The following ANKRD66 variants were observed in gnomAD, a reference collection of about 807,000 sequenced individuals.
ANKRD66 encodes ankyrin repeat domain-containing protein 66.
A neutral mutation model predicts 10.9 loss-of-function variants in ANKRD66; 10 were observed. That is an observed-to-expected ratio of 0.91 (90% CI 0.56 to 1.55). ANKRD66 has a LOEUF of 1.55. ANKRD66 is among the 40% of genes most tolerant of loss of function. The probability of loss-of-function intolerance (pLI) is 0.00; values close to 1 mark genes in which losing one functional copy is unlikely to be tolerated. For missense variants in ANKRD66, 252 were observed against 242.9 expected (o/e 1.04, Z -0.25); for synonymous variants, 85 against 88.4 (o/e 0.96, Z 0.22).
chr6:46,756,626 C>T (rs1156654317), intron 4 of ANKRD66: 1 of 152,250 alleles, frequency 6.6e-6, no homozygotes, highest in African/African-American at 2.4e-5. Context: ...CACTTCTTCA[C>T]CTCTCACCCA....
At chr6:46,752,517 G>A (rs1766294444) in intron 3 of ANKRD66, among the ~76,000 whole-genome samples, 2 of 152,202 alleles carry the variant, frequency 1.3e-5, no homozygotes, top group African/African-American at 4.8e-5. Context: ...TTACAGGCGT[G>A]AGCCACCACG....
chr6:46,753,904 A>C lies in ANKRD66; in HGVS notation c.346A>C (p.Ile116Leu). 6.4e-7 allele frequency: 1 copy of C among 1,551,658 alleles called. No individual in the cohort carries two copies. Residue 116 changes from isoleucine (I) to leucine (L), a missense_variant, in exon 4 of 5, where the codon ATT becomes CTT. Coordinates refer to ENST00000565422, the MANE Select transcript of ANKRD66 (RefSeq NM_001162435.3). ...PDFFGDTPKR[I>L]AQIYGQKACV... ...CTTCTTTGGAGACACACCGAAGAGG[A>C]TTGCACAGATCTATGGACAGAAAGC...
chr6:46,753,774 G>T lies in ANKRD66; in HGVS notation c.216G>T (p.Leu72=), dbSNP rs1373546643. The change falls in exon 4 of 5, where the codon CTG becomes CTT. Residue 72 remains leucine (L), a synonymous_variant. Coordinates refer to ENST00000565422, the MANE Select transcript of ANKRD66 (RefSeq NM_001162435.3). ...TAGAATATGGAGCCAGGCCCTGCCTGGTTACTAGTGTGGGCTGGACCCCAG... is the reference window on the plus strand; with the variant it reads ...TAGAATATGGAGCCAGGCCCTGCCTTGTTACTAGTGTGGGCTGGACCCCAG... ...LLIEYGARPC[L]VTSVGWTPAH... 3 of 1,551,636 alleles carry T rather than the reference G, an allele frequency of 1.9e-6. No individual in the cohort carries two copies. The highest frequency in any genetic ancestry group is 1.2e-5 in the South Asian group (1 of 84,052).
intron 4 of ANKRD66, among the ~76,000 whole-genome samples, chr6:46,754,481 T>A (rs757059979): frequency 2.0e-5 from 3 of 152,218 alleles, no homozygotes; most frequent in Non-Finnish European, 4.4e-5. Context: ...CATTCAAACA[T>A]AATTAAGCAC....
Position 46,759,262 on chromosome 6 carries a change from A to G in ANKRD66, c.*341A>G. 1 of 176,950 alleles carries G rather than the reference A, an allele frequency of 5.7e-6. No individual in the cohort carries two copies. Among genetic ancestry groups the G allele is most frequent in the Non-Finnish European group, 1.2e-5 (1 of 84,898 alleles). The allele number at this position is 176,950 out of a possible 1,614,324, so 11.0% of individuals were successfully genotyped here. Reference sequence around the variant, plus strand: ...TCATCCCTGATAACGATCGAGAGATAATGTAAAATAATGAACATGTGATTA... The same window carrying G: ...TCATCCCTGATAACGATCGAGAGATGATGTAAAATAATGAACATGTGATTA... On this transcript the variant is annotated 3_prime_UTR_variant, in exon 5 of 5. Coordinates refer to ENST00000565422, the MANE Select transcript of ANKRD66 (RefSeq NM_001162435.3).
intron 3 of ANKRD66, among the ~76,000 whole-genome samples, 171 bp downstream of exon 3, chr6:46,752,282 T>A (rs750813028): frequency 2.6e-5 from 4 of 152,224 alleles, no homozygotes; most frequent in African/African-American, 7.2e-5. Flanking sequence ...TCATCCAGGC[T>A]GGAGTGCAGT....
intron 2 of ANKRD66, among the ~76,000 whole-genome samples, chr6:46,751,303 G>A (rs575549740): frequency 1.3e-5 from 2 of 152,290 alleles, no homozygotes; most frequent in South Asian, 4.2e-4. Flanking sequence ...TGACTTCACA[G>A]ATCCCCTGAA....
intron 1 of ANKRD66, among the ~76,000 whole-genome samples, chr6:46,748,058 G>A (rs1049995804): frequency 2.0e-5 from 3 of 152,146 alleles, no homozygotes; most frequent in Non-Finnish European, 4.4e-5. Context: ...GGAAAACACA[G>A]GAATACATCT....
chr6:46,758,673 G>C, intron 4 of ANKRD66, 50 bp from the exon 5 acceptor site: 1 of 1,484,126 alleles, frequency 6.7e-7, no homozygotes, highest in Non-Finnish European at 9.0e-7. Context: ...TTCCCAGGCT[G>C]GAACAGGTCC....
At chr6:46,749,753 C>T (rs1234482242) in intron 1 of ANKRD66, 143 bp from the exon 2 acceptor site, 28 of 861,818 alleles carry the variant, frequency 3.2e-5, no homozygotes, top group Non-Finnish European at 4.5e-5. Flanking sequence ...GTCTCTGACC[C>T]ATCGCATCAG....
At chr6:46,751,821 C>T (rs1766274992) in intron 2 of ANKRD66, 116 bp from the exon 3 acceptor site, 1 of 1,120,930 alleles carries the variant, frequency 8.9e-7, no homozygotes, top group Admixed American at 4.0e-5. Context: ...ATGAGGCAAA[C>T]TGAGAGGCAA....
intron 1 of ANKRD66, 48 bp downstream of exon 1, chr6:46,747,038 A>T (rs1158869731): frequency 4.0e-6 from 6 of 1,516,100 alleles, no homozygotes; most frequent in Admixed American, 3.9e-5. Flanking sequence ...GTTATTAAAA[A>T]TCACTCACAT....
At chr6:46,748,001 C>G (rs949520889) in intron 1 of ANKRD66, among the ~76,000 whole-genome samples, 1 of 152,138 alleles carries the variant, frequency 6.6e-6, no homozygotes, top group Admixed American at 6.5e-5. Flanking sequence ...TAACTCAAAA[C>G]GGATCACAGA....
At chr6:46,755,987 A>G (rs1766375642) in intron 4 of ANKRD66, 2 of 378,418 alleles carry the variant, frequency 5.3e-6, no homozygotes, top group Non-Finnish European at 1.0e-5. Context: ...GCACATTTAC[A>G]TTGTTGTGAA....
At position 46,753,756 on chromosome 6, in the gene ANKRD66, T is replaced by C; in HGVS notation, c.198T>C (p.Tyr66=). 2 of 1,551,308 alleles carry C rather than the reference T, an allele frequency of 1.3e-6. No homozygotes were observed. Among genetic ancestry groups the C allele is most frequent in the Non-Finnish European group, 8.7e-7 (1 of 1,146,822 alleles). ...QMEVIRLLIE[Y]GARPCLVTSV... is the part of the protein sequence containing the mutation. ...AGGTGATACGGCTCCTGATAGAATA[T>C]GGAGCCAGGCCCTGCCTGGTTACTA... Residue 66 remains tyrosine (Y), a synonymous_variant, in exon 4 of 5, where the codon TAT becomes TAC. Transcript: ENST00000565422.
intron 3 of ANKRD66, 130 bp downstream of exon 3, chr6:46,752,241 T>G (rs1472837364): frequency 1.8e-6 from 2 of 1,139,982 alleles, no homozygotes; most frequent in Non-Finnish European, 1.2e-6. Context: ...ATTTCATTTT[T>G]TTTCTTTTTT....
chr6:46,746,997 G>T lies in ANKRD66; in HGVS notation c.-97+7G>T. 1 of 1,535,162 alleles carries T rather than the reference G, an allele frequency of 6.5e-7. No individual in the cohort carries two copies. On this transcript the variant is annotated splice_region_variant and intron_variant, in intron 1 of 4. Transcript: ENST00000565422. ...TCAAATTTCACACAAGACAGTAAGTGTTTTTAAGTTACCCTCTCTTATTTA... is the reference window on the plus strand; with the variant it reads ...TCAAATTTCACACAAGACAGTAAGTTTTTTTAAGTTACCCTCTCTTATTTA...
At chr6:46,751,799 C>T (rs1350768695) in intron 2 of ANKRD66, 138 bp from the exon 3 acceptor site, 5 of 822,438 alleles carry the variant, frequency 6.1e-6, no homozygotes, top group East Asian at 3.3e-5. Context: ...AGGACACACT[C>T]ATGCCACACA....
At chr6:46,758,274 C>G (rs1241636370) in intron 4 of ANKRD66, 1 of 153,258 alleles carries the variant, frequency 6.5e-6, no homozygotes. Context: ...TTTACAGAAT[C>G]CATACATACG....
Sources: gnomAD v4.1 joint callset for allele counts (sites outside exome capture counted in the v4.1 genomes callset) on GRCh38, gnomAD v4.1.1 for gene constraint, MANE v1.5 for transcripts, NCBI Gene and HGNC (gene_info 2026-07-23, HGNC 2026-07-21) for gene names.